TTLL5: variants seen among roughly 807,000 people sequenced by gnomAD.
TTLL5 encodes the protein tubulin tyrosine ligase like 5.
TTLL5 carries 132 observed loss-of-function variants against 168.4 expected under a neutral mutation model. That is an observed-to-expected ratio of 0.78 (90% confidence interval 0.68 to 0.91). TTLL5 has a LOEUF of 0.91. Ranked by LOEUF, TTLL5 falls within the 40% of genes least tolerant of loss-of-function variation. The pLI is 0.00. For missense variants in TTLL5, 1,545 were observed against 1,581.5 expected (o/e 0.98, Z 0.39); for synonymous variants, 546 against 558.6 (o/e 0.98, Z 0.32).
At chr14:75,771,494 CTAA>C (rs1475074161) in intron 20 of TTLL5, among the ~76,000 whole-genome samples, 2 of 151,942 alleles carry the variant, frequency 1.3e-5, no homozygotes, top group African/African-American at 2.4e-5. Context: ...TTCCCTTATG[CTAA>C]TAATGAGAAA....
chr14:75,787,768 G>A (rs1892458355), intron 26 of TTLL5, among the ~76,000 whole-genome samples: 1 of 152,174 alleles, frequency 6.6e-6, no homozygotes, highest in Non-Finnish European at 1.5e-5. Flanking sequence ...AGAACAAATT[G>A]CAGAGACTTG....
intron 31 of TTLL5, among the ~76,000 whole-genome samples, chr14:75,913,029 C>G (rs1029374827): frequency 6.6e-6 from 1 of 152,182 alleles, no homozygotes; most frequent in Non-Finnish European, 1.5e-5. Context: ...TATAACTTCT[C>G]TCAATTGATT....
chr14:75,907,135 G>A (rs1263993768), intron 31 of TTLL5, among the ~76,000 whole-genome samples: 1 of 152,140 alleles, frequency 6.6e-6, no homozygotes, highest in African/African-American at 2.4e-5. Flanking sequence ...TGGGAGGCAG[G>A]GAGGGAACAA....
At chr14:75,699,348 A>G in intron 7 of TTLL5, 78 bp downstream of exon 7, 2 of 1,264,514 alleles carry the variant, frequency 1.6e-6, no homozygotes, top group South Asian at 2.5e-5. Flanking sequence ...TTACTAATAT[A>G]GTTCCATTTC....
At chr14:75,856,999 T>C (rs1897163297) in intron 28 of TTLL5, among the ~76,000 whole-genome samples, 1 of 152,230 alleles carries the variant, frequency 6.6e-6, no homozygotes, top group Non-Finnish European at 1.5e-5. Context: ...TCATTTTGTT[T>C]ATGGACCATG....
At chr14:75,693,607 G>T (rs1041839792) in intron 6 of TTLL5, among the ~76,000 whole-genome samples, 1 of 152,214 alleles carries the variant, frequency 6.6e-6, no homozygotes, top group African/African-American at 2.4e-5. Flanking sequence ...AGAATTAGAG[G>T]TCTGTGACCC....
chr14:75,924,569 A>C (rs976253416), intron 31 of TTLL5, among the ~76,000 whole-genome samples: 4 of 151,950 alleles, frequency 2.6e-5, no homozygotes, highest in African/African-American at 9.7e-5. Context: ...GAGTGGACAC[A>C]GCACATGTTT....
Position 75,783,402 on chromosome 14 carries a change from A to G in TTLL5, c.2858A>G (p.Asn953Ser). The change falls in exon 26 of 32, where the codon AAC (asparagine) becomes AGC (serine). Residue 953 changes from asparagine (N) to serine (S), a missense_variant. Transcript: ENST00000298832. ...ASPCLHPGAQ[N>S]IPSPTGLPRC... ...CCCTGCCTACATCCCGGGGCACAGA[A>G]CATCCCAAGCCCTACTGGCCTGCCA... 3 of 1,614,196 alleles carry G rather than the reference A, an allele frequency of 1.9e-6. No individual in the cohort carries two copies. The highest frequency in any genetic ancestry group is 2.5e-6 in the Non-Finnish European group (3 of 1,180,046).
At chr14:75,842,076 C>T (rs867216407) in intron 28 of TTLL5, among the ~76,000 whole-genome samples, 2 of 152,144 alleles carry the variant, frequency 1.3e-5, no homozygotes, top group Admixed American at 6.5e-5. Context: ...ACTCCTTATA[C>T]GTAGATCTTT....
At chr14:75,893,082 C>G (rs1367199894) in intron 30 of TTLL5, among the ~76,000 whole-genome samples, 3 of 152,114 alleles carry the variant, frequency 2.0e-5, no homozygotes, top group East Asian at 3.9e-4. Flanking sequence ...AACGTGAATT[C>G]TTTACAGATA....
chr14:75,781,125 A>G (rs1566601413), intron 24 of TTLL5, among the ~76,000 whole-genome samples: 1 of 152,162 alleles, frequency 6.6e-6, no homozygotes, highest in Admixed American at 6.5e-5. Context: ...AGGGGCCTAG[A>G]TGGACATTCA....
chr14:75,762,777 A>G lies in TTLL5; in HGVS notation c.1551-1838A>G, dbSNP rs556976151. Among the ~76,000 whole-genome samples, 10 of 152,338 alleles carry G rather than the reference A, an allele frequency of 6.6e-5. No individual in the cohort carries two copies. In the South Asian group the frequency reaches 2.1e-3, roughly 32 times the overall value. On this transcript the variant is annotated intron_variant, in intron 18 of 31. Coordinates refer to ENST00000298832, the MANE Select transcript of TTLL5 (RefSeq NM_015072.5). ...GTGAGCTTTTAGCGTTCATGTTTTC[A>G]GAAGTTTATTTTTTGAGTTTTTGTT...
rs377099575 is a variant in TTLL5, at chr14:75,863,791, G to T, written c.3451G>T (p.Ala1151Ser). ...AGCAGGCAGCTATCAGCTTCAATTT[G>T]CCCTGCAGCAACTTGAACAACAAAA... ...PTAGSYQLQF[A>S]LQQLEQQKLQ... The change falls in exon 29 of 32, where the codon GCC becomes TCC. Residue 1151 changes from alanine to serine, a missense_variant. By Grantham distance (99) the Ala-to-Ser change is moderately conservative. Coordinates refer to ENST00000298832, the MANE Select transcript of TTLL5 (RefSeq NM_015072.5). The T allele has an allele frequency of 2.5e-6, 4 of 1,613,228 alleles. No homozygotes were observed. Among genetic ancestry groups the T allele is most frequent in the South Asian group, 2.2e-5 (2 of 91,036 alleles).
At chr14:75,773,957 A>AGAGAGAGAGAG (rs1891536422) in intron 21 of TTLL5, among the ~76,000 whole-genome samples, 10 of 43,342 alleles carry the variant, frequency 2.3e-4, no homozygotes, top group Admixed American at 7.2e-4. Context: ...GAGAGAGAGA[A>AGAGAGAGAGAG]AGAGAGAGAG....
chr14:75,773,884 C>T (rs1222472136), intron 21 of TTLL5, among the ~76,000 whole-genome samples: 31 of 92,762 alleles, frequency 3.3e-4, no homozygotes, highest in Middle Eastern at 0.013. Flanking sequence ...AGCAAGATAC[C>T]GTCTCAAAAA....
chr14:75,893,912 AAGACTGTAT>A (rs1437444483), intron 30 of TTLL5, among the ~76,000 whole-genome samples: 3 of 152,172 alleles, frequency 2.0e-5, no homozygotes, highest in African/African-American at 7.2e-5. Context: ...GGAAATAGTA[AAGACTGTAT>A]AGAGATAGAA....
chr14:75,862,766 C>A (rs974379024), intron 28 of TTLL5, among the ~76,000 whole-genome samples: 1 of 151,974 alleles, frequency 6.6e-6, no homozygotes. Context: ...CATGGTTAAA[C>A]CCCCGTCTCT....
intron 31 of TTLL5, among the ~76,000 whole-genome samples, chr14:75,943,665 A>T (rs968618468): frequency 6.6e-6 from 1 of 152,246 alleles, no homozygotes; most frequent in African/African-American, 2.4e-5. Context: ...GTTTTGTGAG[A>T]TCAGAGTTTA....
intron 29 of TTLL5, among the ~76,000 whole-genome samples, chr14:75,875,171 G>C (rs535770174): frequency 4.3e-4 from 64 of 149,582 alleles, no homozygotes; most frequent in Admixed American, 1.7e-3. Flanking sequence ...CTGACCTCCT[G>C]ATCCGCCTGC....
Sources: gnomAD v4.1 joint callset for allele counts (sites outside exome capture counted in the v4.1 genomes callset) on GRCh38, gnomAD v4.1.1 for gene constraint, MANE v1.5 for transcripts, NCBI Gene and HGNC (gene_info 2026-07-23, HGNC 2026-07-21) for gene names.